Variants in RGS6 observed in about 807,000 individuals in gnomAD.
The protein encoded by RGS6 is regulator of G protein signaling 6.
Under a neutral mutation model 78.5 loss-of-function variants are expected in RGS6, and 30 were observed. The ratio of observed to expected loss-of-function variants is 0.38; its 90% CI spans 0.29 to 0.52. The LOEUF (loss-of-function observed/expected upper bound fraction) is 0.52. Ranked by LOEUF, RGS6 falls within the 20% of genes least tolerant of loss-of-function variation. The pLI, the probability that RGS6 is intolerant of heterozygous loss-of-function variation, is 0.85. For missense variants in RGS6, 495 were observed against 609.7 expected (o/e 0.81, Z 1.98); for synonymous variants, 206 against 206.0 (o/e 1.00, Z 0.00).
chr14:72,076,971 A>T (rs149071784), intron 2 of RGS6, among the ~76,000 whole-genome samples: 2,866 of 144,548 alleles, frequency 0.02, 89 homozygotes, highest in African/African-American at 0.07. Context: ...TATATATATA[A>T]ATGTTATATA....
chr14:72,599,329 G>A, the RGS6 span, among the ~76,000 whole-genome samples: 1 of 150,368 alleles, frequency 6.7e-6, no homozygotes, highest in Non-Finnish European at 1.5e-5. Flanking sequence ...TGAGCTTACT[G>A]ACTCCTAAGG....
intron 2 of RGS6, among the ~76,000 whole-genome samples, chr14:71,991,306 C>T (rs1450467648): frequency 1.3e-5 from 2 of 152,204 alleles, no homozygotes; most frequent in African/African-American, 4.8e-5. Flanking sequence ...AACAATTCTG[C>T]TGTTACCTTC....
At chr14:72,018,597 C>T (rs1427117939) in intron 2 of RGS6, among the ~76,000 whole-genome samples, 6 of 152,208 alleles carry the variant, frequency 3.9e-5, no homozygotes, top group African/African-American at 1.2e-4. Context: ...GGCTTTTATT[C>T]TCCTCCCTTG....
chr14:72,381,384 A>T (rs947586708), intron 3 of RGS6, among the ~76,000 whole-genome samples: 3 of 152,248 alleles, frequency 2.0e-5, no homozygotes, highest in African/African-American at 7.2e-5. Flanking sequence ...CATTATATGT[A>T]TCAAAACATC....
rs545606630 is a variant in RGS6, at chr14:72,547,455, G to A, written c.1422+7361G>A. On this transcript the variant is annotated intron_variant, in intron 17 of 17. Coordinates refer to ENST00000553525, the MANE Select transcript of RGS6 (RefSeq NM_001204424.2). The stretch of plus-strand genomic sequence containing the variant: ...GGATGCTTCCCCCTTTTAAAATAGT[G>A]ATGAGTGTCCCTGGTTTGAGTTGAG... 7.3e-4 allele frequency: 596 copies of A among 816,854 alleles called. 5 individuals are homozygous for A. The African/African-American group carries it at 9.4e-3, about 13-fold the overall frequency. The allele number at this position is 816,854 out of a possible 1,614,324, so 50.6% of individuals were successfully genotyped here.
intron 13 of RGS6, among the ~76,000 whole-genome samples, chr14:72,497,785 T>A (rs1162812691): frequency 3.3e-5 from 5 of 152,150 alleles, no homozygotes; most frequent in Admixed American, 6.5e-5. Context: ...CCTAGGTAGT[T>A]CCTTCTAAGT....
intron 16 of RGS6, among the ~76,000 whole-genome samples, chr14:72,538,253 G>A (rs1659571415): frequency 6.6e-6 from 1 of 152,228 alleles, no homozygotes; most frequent in Admixed American, 6.5e-5. Flanking sequence ...AAAGGTATGT[G>A]AGATTCACAA....
At chr14:72,616,134 C>T in the RGS6 span, among the ~76,000 whole-genome samples, 1 of 152,180 alleles carries the variant, frequency 6.6e-6, no homozygotes, top group African/African-American at 2.4e-5. Flanking sequence ...CCTGCAAAGA[C>T]CATGCTGGAT....
At chr14:72,034,222 C>G (rs895436856) in intron 2 of RGS6, among the ~76,000 whole-genome samples, 1 of 152,066 alleles carries the variant, frequency 6.6e-6, no homozygotes, top group African/African-American at 2.4e-5. Context: ...CGAGAAGTGG[C>G]AGGAGTGGGC....
intron 11 of RGS6, among the ~76,000 whole-genome samples, chr14:72,477,677 A>G (rs2283378): frequency 0.13 from 19,770 of 151,620 alleles, 1,375 homozygotes; most frequent in South Asian, 0.24. Context: ...TGTGACTATA[A>G]TCCCAGCTAC....
At chr14:71,874,813 T>C in the RGS6 span, among the ~76,000 whole-genome samples, 10 of 152,198 alleles carry the variant, frequency 6.6e-5, no homozygotes, top group African/African-American at 2.4e-4. Flanking sequence ...TTGAGATACA[T>C]CCCATCAATA....
intron 2 of RGS6, among the ~76,000 whole-genome samples, chr14:71,981,090 C>G (rs1260200769): frequency 6.7e-6 from 1 of 149,960 alleles, no homozygotes; most frequent in South Asian, 2.2e-4. Context: ...ACATAGTTGT[C>G]GAGCCTTGGT....
At chr14:71,874,080 C>T in the RGS6 span, among the ~76,000 whole-genome samples, 1 of 152,254 alleles carries the variant, frequency 6.6e-6, no homozygotes, top group Non-Finnish European at 1.5e-5. Flanking sequence ...TAGCATGATG[C>T]CTCCAGCTTT....
At chr14:72,342,285 G>T (rs2152684960) in intron 2 of RGS6, among the ~76,000 whole-genome samples, 1 of 152,232 alleles carries the variant, frequency 6.6e-6, no homozygotes, top group African/African-American at 2.4e-5. Context: ...GCTCCCAGAG[G>T]CCAGGTGTGG....
chr14:72,201,927 C>A (rs1314576317), intron 2 of RGS6, among the ~76,000 whole-genome samples: 1 of 152,120 alleles, frequency 6.6e-6, no homozygotes, highest in South Asian at 2.1e-4. Flanking sequence ...AAATTGCCAA[C>A]CCTTGGTCTA....
At chr14:72,552,282 C>T (rs1210105993) in intron 17 of RGS6, among the ~76,000 whole-genome samples, 1 of 152,174 alleles carries the variant, frequency 6.6e-6, no homozygotes, top group Non-Finnish European at 1.5e-5. Flanking sequence ...AATGAAGGGA[C>T]TGTGGTGCCC....
chr14:71,974,920 C>A (rs2094024187), intron 2 of RGS6, among the ~76,000 whole-genome samples: 1 of 152,214 alleles, frequency 6.6e-6, no homozygotes, highest in Non-Finnish European at 1.5e-5. Flanking sequence ...GCAGGAAGAT[C>A]ACTTGGCCCA....
chr14:72,320,270 C>A (rs1234472772), intron 2 of RGS6, among the ~76,000 whole-genome samples: 1 of 152,108 alleles, frequency 6.6e-6, no homozygotes, highest in Non-Finnish European at 1.5e-5. Flanking sequence ...AAGATGATTC[C>A]CATGAGTTAT....
chr14:72,069,788 C>T (rs2094335692), intron 2 of RGS6, among the ~76,000 whole-genome samples: 1 of 152,200 alleles, frequency 6.6e-6, no homozygotes, highest in Non-Finnish European at 1.5e-5. Context: ...AATCTGCCCG[C>T]CTTGGCCTCC....
Sources: allele counts gnomAD v4.1 joint callset (sites outside exome capture counted in the v4.1 genomes callset), GRCh38; gene constraint gnomAD v4.1.1; transcripts MANE v1.5; gene names NCBI Gene and HGNC (gene_info 2026-07-23, HGNC 2026-07-21).